SGMS1: variants seen among roughly 807,000 people sequenced by gnomAD.
SGMS1 encodes sphingomyelin synthase 1.
SGMS1 carries 13 observed loss-of-function variants against 46.2 expected under a neutral mutation model. The ratio of observed to expected loss-of-function variants is 0.28; its 90% CI spans 0.18 to 0.45. SGMS1 has a LOEUF of 0.45. Among genes scored for constraint, SGMS1 ranks in the 20% least tolerant of loss-of-function variants. The pLI is 1.00. For synonymous variants in SGMS1, 203 were observed against 187.8 expected, an observed-to-expected ratio of 1.08 and a Z score of -0.66; for missense variants, 324 against 519.9, an observed-to-expected ratio of 0.62 and a Z score of 3.66.
At chr10:50,368,206 AAGCTATCTTGC>A (rs1388736725) in intron 6 of SGMS1, among the ~76,000 whole-genome samples, 2 of 152,202 alleles carry the variant, frequency 1.3e-5, no homozygotes, top group Non-Finnish European at 2.9e-5. Flanking sequence ...CTGCATATCT[AAGCTATCTTGC>A]AGTCATACAA....
chr10:50,375,992 C>T (rs745834983), intron 6 of SGMS1, among the ~76,000 whole-genome samples: 4 of 152,164 alleles, frequency 2.6e-5, no homozygotes, highest in African/African-American at 4.8e-5. Context: ...CTACTGCAGC[C>T]GGCATTTGTT....
At chr10:50,317,389 A>G (rs988480448) in intron 8 of SGMS1, among the ~76,000 whole-genome samples, 2 of 152,214 alleles carry the variant, frequency 1.3e-5, no homozygotes, top group Non-Finnish European at 2.9e-5. Flanking sequence ...ATCTCACTGT[A>G]TCTTCACAAG....
intron 2 of SGMS1, among the ~76,000 whole-genome samples, chr10:50,530,822 G>C (rs1837947050): frequency 6.6e-6 from 1 of 152,138 alleles, no homozygotes; most frequent in Non-Finnish European, 1.5e-5. Context: ...CAAATGCAGT[G>C]TGGTTTCTTC....
intron 6 of SGMS1, among the ~76,000 whole-genome samples, chr10:50,361,016 TA>T (rs1848239507): frequency 6.6e-6 from 1 of 152,214 alleles, no homozygotes; most frequent in Non-Finnish European, 1.5e-5. Context: ...CCCAGCTTAC[TA>T]AAACTACCTC....
At chr10:50,533,310 A>AG (rs1393247562) in intron 2 of SGMS1, among the ~76,000 whole-genome samples, 1 of 152,172 alleles carries the variant, frequency 6.6e-6, no homozygotes, top group Non-Finnish European at 1.5e-5. Context: ...GAACTGGCAA[A>AG]GGTCAGGATT....
At chr10:50,410,588 G>T (rs1589428689) in intron 6 of SGMS1, among the ~76,000 whole-genome samples, 2 of 152,204 alleles carry the variant, frequency 1.3e-5, no homozygotes, top group East Asian at 3.9e-4. Context: ...TAGTGGGCAT[G>T]GAACAAAAAT....
Position 50,366,388 on chromosome 10 carries a change from T to G in SGMS1, c.-231-22043A>C, listed in dbSNP as rs571490354. On this transcript the variant is annotated intron_variant, in intron 6 of 10. Coordinates refer to ENST00000361781, the MANE Select transcript of SGMS1 (RefSeq NM_147156.4). Reference sequence around the variant, plus strand: ...TTAGTTCAACCATTGTGGAACACAGTGTGGTGATTCCTCAAGGATCTAGAA... The same window carrying G: ...TTAGTTCAACCATTGTGGAACACAGGGTGGTGATTCCTCAAGGATCTAGAA... Among the ~76,000 whole-genome samples the G allele has an allele frequency of 7.2e-5, 11 of 152,298 alleles. No homozygotes were observed. In the East Asian group the frequency reaches 2.1e-3, roughly 29 times the overall value.
chr10:50,348,897 C>A (rs113780604), intron 6 of SGMS1, among the ~76,000 whole-genome samples: 5 of 152,282 alleles, frequency 3.3e-5, no homozygotes, highest in East Asian at 1.9e-4. Context: ...GGAAGCATCA[C>A]GCTACCTGAC....
chr10:50,400,028 CA>C (rs55712391), intron 6 of SGMS1, among the ~76,000 whole-genome samples: 197 of 107,090 alleles, frequency 1.8e-3, no homozygotes, highest in Middle Eastern at 5.6e-3. Context: ...GACTCCTTCT[CA>C]AAAAAAAAAA....
intron 2 of SGMS1, among the ~76,000 whole-genome samples, chr10:50,531,940 T>C (rs1837956989): frequency 6.6e-6 from 1 of 152,120 alleles, no homozygotes; most frequent in African/African-American, 2.4e-5. Flanking sequence ...CAAGCCAGGA[T>C]TGCAACCCAG....
At chr10:50,543,909 C>T (rs972077387) in intron 2 of SGMS1, among the ~76,000 whole-genome samples, 1 of 152,160 alleles carries the variant, frequency 6.6e-6, no homozygotes, top group Non-Finnish European at 1.5e-5. Context: ...TTGGTCACTA[C>T]AGGAGCCATA....
rs200092569 is a variant in SGMS1, at chr10:50,408,456, C to T, written c.-232+25020G>A. ...TAAAAAAAAAAAAAAAAAAAAAAAA[C>T]AAAATAAAAACTTTTTTTAATTAGC... is the stretch of plus-strand genomic sequence containing the variant. On this transcript the variant is annotated intron_variant, in intron 6 of 10. Transcript: ENST00000361781. Among the ~76,000 whole-genome samples, 17 of 117,178 alleles carry T rather than the reference C, an allele frequency of 1.5e-4. No homozygotes were observed. In the South Asian group the frequency reaches 1.6e-3, roughly 11 times the overall value. The allele number at this position is 117,178 out of a possible 152,430, so 76.9% of individuals were successfully genotyped here.
intron 2 of SGMS1, among the ~76,000 whole-genome samples, chr10:50,571,035 G>A (rs780056825): frequency 6.6e-6 from 1 of 152,212 alleles, no homozygotes; most frequent in East Asian, 1.9e-4. Context: ...TTCTGGATAA[G>A]CTAACTGCCA....
chr10:50,341,269 T>C, intron 7 of SGMS1: 1 of 453,848 alleles, frequency 2.2e-6, no homozygotes, highest in Non-Finnish European at 4.4e-6. Flanking sequence ...CTGCTTGATG[T>C]GTCATCTGTA....
chr10:50,380,808 A>G (rs1589415945), intron 6 of SGMS1, among the ~76,000 whole-genome samples: 1 of 152,148 alleles, frequency 6.6e-6, no homozygotes, highest in Admixed American at 6.5e-5. Flanking sequence ...CTAAGGAACA[A>G]TATCTGTGAA....
intron 6 of SGMS1, among the ~76,000 whole-genome samples, chr10:50,366,342 C>T (rs911120467): frequency 2.6e-5 from 4 of 152,200 alleles, no homozygotes; most frequent in Non-Finnish European, 5.9e-5. Flanking sequence ...AACGCTTTTA[C>T]ACTGTTGGTG....
At chr10:50,435,533 T>C (rs993420551) in intron 5 of SGMS1, among the ~76,000 whole-genome samples, 1 of 152,216 alleles carries the variant, frequency 6.6e-6, no homozygotes, top group Non-Finnish European at 1.5e-5. Flanking sequence ...ATCTCCACCT[T>C]AGTTGACAGC....
chr10:50,316,819 C>T (rs529427004), intron 8 of SGMS1, among the ~76,000 whole-genome samples: 25 of 152,250 alleles, frequency 1.6e-4, no homozygotes, highest in African/African-American at 5.5e-4. Flanking sequence ...TCTTCAGCAG[C>T]CTGCAACTGA....
intron 1 of SGMS1, among the ~76,000 whole-genome samples, chr10:50,621,739 A>G (rs575614412): frequency 6.6e-6 from 1 of 152,382 alleles, no homozygotes; most frequent in Admixed American, 6.5e-5. Flanking sequence ...GCAGAAATGT[A>G]TCTTATTATT....
Sources: gnomAD v4.1 joint callset for allele counts (sites outside exome capture counted in the v4.1 genomes callset) on GRCh38, gnomAD v4.1.1 for gene constraint, MANE v1.5 for transcripts, NCBI Gene and HGNC (gene_info 2026-07-23, HGNC 2026-07-21) for gene names.